MDFIC2: variants seen among roughly 807,000 people sequenced by gnomAD.
The protein encoded by MDFIC2 is MyoD family inhibitor domain containing 2.
chr3:70,199,111 A>G (rs891039747), intron 3 of MDFIC2, among the ~76,000 whole-genome samples: 7 of 152,214 alleles, frequency 4.6e-5, no homozygotes, highest in African/African-American at 1.7e-4. Flanking sequence ...GCTTATGACC[A>G]TATAAAAATG....
At chr3:70,296,647 A>G (rs1702291958) in intron 2 of MDFIC2, among the ~76,000 whole-genome samples, 1 of 152,074 alleles carries the variant, frequency 6.6e-6, no homozygotes, top group South Asian at 2.1e-4. Flanking sequence ...CTTTTCTTCC[A>G]TTCCCACAGC....
chr3:70,249,285 T>C (rs1481224822), intron 2 of MDFIC2: 1 of 152,182 alleles, frequency 6.6e-6, no homozygotes, highest in Non-Finnish European at 1.5e-5. Flanking sequence ...ATTCACAATT[T>C]ATGTAGTGCC....
rs192923772 is a variant in MDFIC2, at chr3:70,280,860, C to T, written c.88+31026G>A. Among the ~76,000 whole-genome samples, 58 of 152,240 alleles carry T rather than the reference C, an allele frequency of 3.8e-4. 1 individual carries two copies. In the East Asian group the frequency reaches 3.9e-3, roughly 10 times the overall value. On this transcript the variant is annotated intron_variant, in intron 2 of 3. Transcript: ENST00000567252. ...CTGCCCCACACCCAGAAGGAAGGGA[C>T]GCTGCACAGAAAGTCCAAGAAGAAT...
At chr3:70,201,893 C>T (rs1291481250) in intron 3 of MDFIC2, among the ~76,000 whole-genome samples, 1 of 152,186 alleles carries the variant, frequency 6.6e-6, no homozygotes, top group African/African-American at 2.4e-5. Context: ...GTAACTGGAA[C>T]CTGCAAGATG....
At chr3:70,199,392 T>C (rs1576152149) in intron 3 of MDFIC2, among the ~76,000 whole-genome samples, 1 of 152,102 alleles carries the variant, frequency 6.6e-6, no homozygotes, top group Non-Finnish European at 1.5e-5. Context: ...AAAAAAAAAG[T>C]TTTGGCTTAA....
intron 2 of MDFIC2, among the ~76,000 whole-genome samples, chr3:70,246,995 T>C (rs886132918): frequency 1.3e-5 from 2 of 152,202 alleles, no homozygotes; most frequent in South Asian, 2.1e-4. Context: ...CATATCATAA[T>C]AATCAGTGAG....
intron 3 of MDFIC2, among the ~76,000 whole-genome samples, chr3:70,204,110 CTGTTT>C (rs1225663048): frequency 2.6e-5 from 4 of 152,118 alleles, no homozygotes; most frequent in East Asian, 1.9e-4. Flanking sequence ...CTTTTCCATC[CTGTTT>C]TAAGTGGGGC....
chr3:70,213,013 T>C (rs1701366010), intron 2 of MDFIC2, among the ~76,000 whole-genome samples: 2 of 152,120 alleles, frequency 1.3e-5, no homozygotes, highest in Admixed American at 1.3e-4. Context: ...TTCACCATGC[T>C]GCCTGGGCTG....
intron 2 of MDFIC2, among the ~76,000 whole-genome samples, chr3:70,238,269 A>G (rs773806363): frequency 1.4e-4 from 21 of 151,856 alleles, no homozygotes; most frequent in Non-Finnish European, 2.6e-4. Flanking sequence ...TGTAAACACT[A>G]TTTGGGCTTT....
At chr3:70,286,018 C>T (rs965339465) in intron 2 of MDFIC2, among the ~76,000 whole-genome samples, 1 of 151,894 alleles carries the variant, frequency 6.6e-6, no homozygotes, top group Non-Finnish European at 1.5e-5. Context: ...TGCCTGTTCA[C>T]TCTGATGGTA....
At position 70,307,407 on chromosome 3, in the gene MDFIC2, C is replaced by T. The variant is rs367614649; in HGVS notation, c.88+4479G>A. On this transcript the variant is annotated intron_variant, in intron 2 of 3. Transcript: ENST00000567252. ...TCCCTTCATCTTGATGTTTCTCTTC[C>T]GTATCAAATGGTGTAAGCTACAGGC... 1.8e-4 allele frequency among the ~76,000 whole-genome samples: 27 copies of T among 152,182 alleles called. No individual in the cohort carries two copies. In the East Asian group the frequency reaches 4.5e-3, roughly 25 times the overall value.
At chr3:70,235,693 G>A (rs1701600068) in intron 2 of MDFIC2, among the ~76,000 whole-genome samples, 1 of 152,172 alleles carries the variant, frequency 6.6e-6, no homozygotes, top group South Asian at 2.1e-4. Context: ...CAATGTGTAA[G>A]GGTTCTGGTG....
intron 2 of MDFIC2, among the ~76,000 whole-genome samples, chr3:70,266,750 C>G (rs999848970): frequency 3.3e-5 from 5 of 152,114 alleles, no homozygotes; most frequent in African/African-American, 9.7e-5. Context: ...CTGGCTTATA[C>G]TTTTCTTTTA....
At chr3:70,226,329 C>A (rs770568891) in intron 2 of MDFIC2, among the ~76,000 whole-genome samples, 1 of 152,116 alleles carries the variant, frequency 6.6e-6, no homozygotes, top group Admixed American at 6.6e-5. Context: ...TGTGATGAGA[C>A]GTATAACAGA....
intron 2 of MDFIC2, among the ~76,000 whole-genome samples, chr3:70,307,932 T>G (rs1176822186): frequency 6.6e-6 from 1 of 152,238 alleles, no homozygotes; most frequent in African/African-American, 2.4e-5. Flanking sequence ...CTGATGCCTT[T>G]GCTCCCTGCA....
chr3:70,254,908 G>A (rs538589499), intron 2 of MDFIC2, among the ~76,000 whole-genome samples: 28 of 152,122 alleles, frequency 1.8e-4, no homozygotes, highest in Middle Eastern at 3.4e-3. Context: ...TTCCTTTTCC[G>A]ACTGTAACAT....
intron 2 of MDFIC2, among the ~76,000 whole-genome samples, chr3:70,210,040 G>A (rs1576156100): frequency 6.6e-6 from 1 of 152,052 alleles, no homozygotes; most frequent in African/African-American, 2.4e-5. Flanking sequence ...ATTATCACAC[G>A]TAGTCAGGCT....
At chr3:70,301,677 A>G (rs1038324029) in intron 2 of MDFIC2, among the ~76,000 whole-genome samples, 2 of 152,220 alleles carry the variant, frequency 1.3e-5, no homozygotes, top group East Asian at 3.9e-4. Context: ...ACAAACGTGA[A>G]GTGTGGAATC....
intron 2 of MDFIC2, among the ~76,000 whole-genome samples, chr3:70,256,582 C>T (rs1481811510): frequency 6.6e-6 from 1 of 152,148 alleles, no homozygotes; most frequent in Non-Finnish European, 1.5e-5. Flanking sequence ...TATGCTATGC[C>T]ACTTGCTGCT....
Sources: allele counts gnomAD v4.1 joint callset (sites outside exome capture counted in the v4.1 genomes callset), GRCh38; gene constraint gnomAD v4.1.1; transcripts MANE v1.5; gene names NCBI Gene and HGNC (gene_info 2026-07-23, HGNC 2026-07-21).